Variants in RAI14 observed in about 807,000 individuals in gnomAD.
The protein encoded by RAI14 is retinoic acid induced 14.
Under a neutral mutation model 115.4 loss-of-function variants are expected in RAI14, and 45 were observed. The observed-to-expected ratio is 0.39, with a 90% confidence interval of 0.31 to 0.50. RAI14 has a LOEUF of 0.50. Among genes scored for constraint, RAI14 ranks in the 20% least tolerant of loss-of-function variants. The pLI is 0.85. For missense variants in RAI14, 939 were observed against 1,131.2 expected (o/e 0.83, Z 2.44); for synonymous variants, 371 against 415.4 (o/e 0.89, Z 1.30).
At chr5:34,792,593 C>A (rs181364758) in intron 3 of RAI14, among the ~76,000 whole-genome samples, 32 of 152,282 alleles carry the variant, frequency 2.1e-4, no homozygotes, top group African/African-American at 7.0e-4. Context: ...AGAGCAGAAG[C>A]TTTTGTGTGA....
intron 2 of RAI14, among the ~76,000 whole-genome samples, chr5:34,756,047 C>G (rs757632998): frequency 1.1e-4 from 16 of 152,174 alleles, no homozygotes; most frequent in Non-Finnish European, 2.1e-4. Flanking sequence ...TGGGGGAGGA[C>G]AGAGTCCTAA....
intron 2 of RAI14, among the ~76,000 whole-genome samples, chr5:34,755,962 G>C (rs899300297): frequency 6.6e-6 from 1 of 152,184 alleles, no homozygotes; most frequent in African/African-American, 2.4e-5. Flanking sequence ...TCAAGTTCAC[G>C]CAGCCCAGAG....
chr5:34,684,890 C>G (rs1389796063), intron 1 of RAI14: 1 of 152,194 alleles, frequency 6.6e-6, no homozygotes, highest in Non-Finnish European at 1.5e-5. Flanking sequence ...CAGTTCTCCT[C>G]TGGGATGGTG....
chr5:34,720,551 T>C (rs572627136), intron 2 of RAI14, among the ~76,000 whole-genome samples: 15 of 151,644 alleles, frequency 9.9e-5, no homozygotes, highest in Middle Eastern at 3.4e-3. Flanking sequence ...GCTGGGACTA[T>C]AGGCGCCCGC....
At chr5:34,671,262 G>T (rs751850880) in intron 1 of RAI14, among the ~76,000 whole-genome samples, 1 of 152,156 alleles carries the variant, frequency 6.6e-6, no homozygotes, top group African/African-American at 2.4e-5. Flanking sequence ...AGCAGACATC[G>T]TCTTCTCGGC....
chr5:34,799,323 T>C (rs1753906453), intron 4 of RAI14, among the ~76,000 whole-genome samples: 1 of 152,182 alleles, frequency 6.6e-6, no homozygotes, highest in African/African-American at 2.4e-5. Context: ...ATTAAATGGC[T>C]TAGCTTTTAC....
At position 34,786,397 on chromosome 5, in the gene RAI14, G is replaced by T. The variant is rs186743413; in HGVS notation, c.168-9542G>T. 6.8e-4 allele frequency among the ~76,000 whole-genome samples: 104 copies of T among 152,318 alleles called. 1 individual carries two copies. The East Asian group carries it at 0.019, about 28-fold the overall frequency. ...GGAAAAGAAAGATCTGGAGGGTCAG[G>T]CCGTTCTTTTTCTTCAAAATAAGAA... On this transcript the variant is annotated intron_variant, in intron 3 of 17. Transcript: ENST00000265109.
At chr5:34,812,844 C>T in intron 10 of RAI14, among the ~76,000 whole-genome samples, 1 of 152,128 alleles carries the variant, frequency 6.6e-6, no homozygotes, top group East Asian at 1.9e-4. Flanking sequence ...GTTTTAAATA[C>T]TTGTAATATC....
chr5:34,663,056 G>C (rs1334319617), intron 1 of RAI14, among the ~76,000 whole-genome samples: 1 of 152,078 alleles, frequency 6.6e-6, no homozygotes, highest in Non-Finnish European at 1.5e-5. Context: ...TCTTCCCTTT[G>C]TAGTTAGTCA....
chr5:34,722,648 C>G (rs1742917276), intron 2 of RAI14, among the ~76,000 whole-genome samples: 1 of 152,034 alleles, frequency 6.6e-6, no homozygotes, highest in African/African-American at 2.4e-5. Context: ...GAGTTCGGTA[C>G]CAGCCTGGCC....
chr5:34,752,735 G>GTATATATA (rs1173704248), intron 2 of RAI14, among the ~76,000 whole-genome samples: 1 of 90,978 alleles, frequency 1.1e-5, no homozygotes, highest in Non-Finnish European at 2.4e-5. Context: ...GTGTGTGTGT[G>GTATATATA]TGTGTGTGTG....
chr5:34,825,301 A>G (rs113022935), intron 15 of RAI14, among the ~76,000 whole-genome samples: 56 of 152,232 alleles, frequency 3.7e-4, no homozygotes, highest in Non-Finnish European at 6.3e-4. Context: ...GCAAACATCA[A>G]TCTTCGGCCA....
intron 1 of RAI14, among the ~76,000 whole-genome samples, chr5:34,675,360 A>G (rs1204841778): frequency 6.6e-6 from 1 of 152,246 alleles, no homozygotes; most frequent in Non-Finnish European, 1.5e-5. Flanking sequence ...AAGATCCTTT[A>G]TGGCATTTGC....
intron 4 of RAI14, among the ~76,000 whole-genome samples, chr5:34,802,278 C>T (rs537316226): frequency 4.1e-4 from 63 of 152,184 alleles, no homozygotes; most frequent in African/African-American, 1.4e-3. Context: ...TGAGAAAGTG[C>T]ATCTACGGCC....
intron 14 of RAI14, among the ~76,000 whole-genome samples, chr5:34,822,230 TTATA>T (rs1266273380): frequency 2.3e-5 from 3 of 130,206 alleles, no homozygotes; most frequent in Non-Finnish European, 4.8e-5. Context: ...ACGTTTTAAA[TTATA>T]TATGTATGTG....
chr5:34,778,860 G>A (rs913446651), intron 3 of RAI14, among the ~76,000 whole-genome samples: 4 of 151,626 alleles, frequency 2.6e-5, no homozygotes, highest in East Asian at 1.9e-4. Flanking sequence ...TTCTTAATCC[G>A]TAACTCATTT....
chr5:34,739,312 A>G (rs1360566685), intron 2 of RAI14, among the ~76,000 whole-genome samples: 2 of 152,206 alleles, frequency 1.3e-5, no homozygotes, highest in Non-Finnish European at 2.9e-5. Flanking sequence ...GCCCGAGATA[A>G]TAAGTGGTAG....
chr5:34,790,843 C>A (rs1244210923), intron 3 of RAI14, among the ~76,000 whole-genome samples: 1 of 151,192 alleles, frequency 6.6e-6, no homozygotes, highest in Non-Finnish European at 1.5e-5. Flanking sequence ...TACTGAAGAA[C>A]CCTCATTATT....
At chr5:34,683,801 C>T (rs1036372053) in intron 1 of RAI14, among the ~76,000 whole-genome samples, 2 of 151,854 alleles carry the variant, frequency 1.3e-5, no homozygotes, top group African/African-American at 4.8e-5. Flanking sequence ...GATATCGGCT[C>T]ACTGCAAGCT....
Sources: allele counts gnomAD v4.1 joint callset (sites outside exome capture counted in the v4.1 genomes callset), GRCh38; gene constraint gnomAD v4.1.1; transcripts MANE v1.5; gene names NCBI Gene and HGNC (gene_info 2026-07-23, HGNC 2026-07-21).